Variants in TRAPPC9 observed in about 807,000 individuals in gnomAD.
The protein encoded by TRAPPC9 is IKK2 binding protein.
Under a neutral mutation model 124.0 loss-of-function variants are expected in TRAPPC9, and 83 were observed. The ratio of observed to expected loss-of-function variants is 0.67; its 90% CI spans 0.56 to 0.80. TRAPPC9 has a LOEUF of 0.80. TRAPPC9 is among the 30% of genes least tolerant of loss of function. The probability of loss-of-function intolerance (pLI) is 0.00; values close to 1 mark genes in which losing one functional copy is unlikely to be tolerated. For synonymous variants in TRAPPC9, 638 were observed against 617.5 expected, an observed-to-expected ratio of 1.03 and a Z score of -0.49; for missense variants, 1,302 against 1,508.3, an observed-to-expected ratio of 0.86 and a Z score of 2.27.
At position 140,196,553 on chromosome 8, in the gene TRAPPC9, A is replaced by G. The variant is rs1382274671; in HGVS notation, c.2556+24906T>C. On this transcript the variant is annotated intron_variant, in intron 17 of 22. Coordinates refer to ENST00000438773, the MANE Select transcript of TRAPPC9 (RefSeq NM_001160372.4). ...ACTAAAACACACTCAACGATCCACC[A>G]TACAGATCACACCTGTGACACTAAA... is the stretch of plus-strand genomic sequence containing the variant. 1.0e-4 allele frequency among the ~76,000 whole-genome samples: 11 copies of G among 110,106 alleles called. No homozygotes were observed. In the East Asian group the frequency reaches 2.3e-3, roughly 23 times the overall value. The allele number at this position is 110,106 out of a possible 152,430, so 72.2% of individuals were successfully genotyped here. A position where few individuals can be genotyped will look rare whatever the true frequency, so the allele number is the denominator to read the frequency against.
intron 21 of TRAPPC9, among the ~76,000 whole-genome samples, chr8:139,832,467 G>T (rs1826056822): frequency 6.6e-6 from 1 of 152,210 alleles, no homozygotes; most frequent in Non-Finnish European, 1.5e-5. Flanking sequence ...CCGAAGCAGG[G>T]GAGGCTGGTG....
In TRAPPC9 at chr8:139,763,851, T is replaced by C. The variant is rs1820405741; in HGVS notation, c.3056-31649A>G. 1.3e-5 allele frequency among the ~76,000 whole-genome samples: 2 copies of C among 152,114 alleles called. 1 individual carries two copies. Among genetic ancestry groups the C allele is most frequent in the South Asian group, 4.2e-4 (2 of 4,810 alleles). On this transcript the variant is annotated intron_variant, in intron 21 of 22. Coordinates refer to ENST00000438773, the MANE Select transcript of TRAPPC9 (RefSeq NM_001160372.4). Reference sequence around the variant, plus strand: ...CAGCAGGCCAGTGATGGAGCAGGCATAGTGTGGAAGGGGTCAGGTGTTGGG... The same window carrying C: ...CAGCAGGCCAGTGATGGAGCAGGCACAGTGTGGAAGGGGTCAGGTGTTGGG...
At chr8:140,275,907 C>T (rs1224603933) in intron 14 of TRAPPC9, 86 bp from the exon 15 acceptor site, 117 of 1,102,650 alleles carry the variant, frequency 1.1e-4, no homozygotes, top group Non-Finnish European at 3.2e-5. Flanking sequence ...AGAAGAATCA[C>T]CATACTCATG....
intron 16 of TRAPPC9, among the ~76,000 whole-genome samples, chr8:140,244,800 CTTTTTTTTT>C (rs1162364645): frequency 5.5e-5 from 5 of 90,182 alleles, no homozygotes; most frequent in East Asian, 4.5e-4. Flanking sequence ...TTTCCAATTC[CTTTTTTTTT>C]TTTTTTTTTT....
At chr8:140,016,307 T>C (rs148649945) in intron 18 of TRAPPC9, among the ~76,000 whole-genome samples, 2 of 152,310 alleles carry the variant, frequency 1.3e-5, no homozygotes, top group South Asian at 2.1e-4. Flanking sequence ...GAAAGATATT[T>C]TCTCTTCCCT....
intron 9 of TRAPPC9, among the ~76,000 whole-genome samples, chr8:140,337,614 T>A (rs2067077731): frequency 1.3e-5 from 2 of 152,150 alleles, no homozygotes; most frequent in African/African-American, 4.8e-5. Context: ...TCCCTCCGGC[T>A]CTGCCATGCA....
intron 1 of TRAPPC9, 122 bp downstream of exon 1, chr8:140,457,517 C>A: frequency 1.2e-6 from 1 of 844,356 alleles, no homozygotes; most frequent in Non-Finnish European, 1.4e-6. Flanking sequence ...CGGGCTCCGC[C>A]CGGACAGGTG....
At chr8:139,991,007 C>G (rs1294999597) in intron 18 of TRAPPC9, among the ~76,000 whole-genome samples, 1 of 152,180 alleles carries the variant, frequency 6.6e-6, no homozygotes, top group African/African-American at 2.4e-5. Context: ...AGAGGTTTGG[C>G]GCTTGGAAAA....
intron 21 of TRAPPC9, among the ~76,000 whole-genome samples, chr8:139,862,679 A>C (rs1290049979): frequency 6.6e-6 from 1 of 152,166 alleles, no homozygotes; most frequent in Non-Finnish European, 1.5e-5. Flanking sequence ...AAGTGTCTTA[A>C]TCTCACTCTC....
At position 139,857,072 on chromosome 8, in the gene TRAPPC9, G is replaced by A. The variant is rs1827847903; in HGVS notation, c.3055+28807C>T. On this transcript the variant is annotated intron_variant, in intron 21 of 22. Transcript: ENST00000438773. The stretch of plus-strand genomic sequence containing the variant: ...GCGGGGGGAGCTGGTTCAGACAGAG[G>A]TGAAAGAGCAGAAAGGTGCCCAGGG... 2.6e-5 allele frequency among the ~76,000 whole-genome samples: 4 copies of A among 151,608 alleles called. No individual in the cohort carries two copies. The South Asian group carries it at 8.4e-4, about 32-fold the overall frequency.
intron 18 of TRAPPC9, among the ~76,000 whole-genome samples, chr8:139,995,089 G>A (rs1219930403): frequency 6.6e-6 from 1 of 152,160 alleles, no homozygotes. Context: ...GCACTGAGCT[G>A]AAGATGAAGA....
intron 17 of TRAPPC9, among the ~76,000 whole-genome samples, chr8:140,154,565 C>G (rs1160634162): frequency 1.3e-5 from 2 of 152,174 alleles, no homozygotes; most frequent in Non-Finnish European, 2.9e-5. Context: ...CCTCCTAGCC[C>G]TCTGCCACCT....
intron 20 of TRAPPC9, 103 bp from the exon 21 acceptor site, chr8:139,886,072 C>T: frequency 9.5e-7 from 1 of 1,057,246 alleles, no homozygotes; most frequent in Non-Finnish European, 1.4e-6. Flanking sequence ...CCTCCTACAG[C>T]AGATGTCTCC....
At chr8:139,922,947 T>C (rs2131344887) in intron 19 of TRAPPC9, among the ~76,000 whole-genome samples, 1 of 152,326 alleles carries the variant, frequency 6.6e-6, no homozygotes, top group East Asian at 1.9e-4. Context: ...GGAGTGTTTT[T>C]GGCACCTGGA....
rs71520259 is a variant in TRAPPC9, at chr8:140,179,993, A to ATTTTTTTTTTTTTT, written c.2556+41452_2556+41465dup. Among the ~76,000 whole-genome samples, 87 of 90,032 alleles carry ATTTTTTTTTTTTTT rather than the reference A, an allele frequency of 9.7e-4. 6 individuals are homozygous for ATTTTTTTTTTTTTT. The highest frequency in any genetic ancestry group is 0.01 in the Middle Eastern group (1 of 100). The allele number at this position is 90,032 out of a possible 152,430, so 59.1% of individuals were successfully genotyped here. A position where few individuals can be genotyped will look rare whatever the true frequency, so the allele number is the denominator to read the frequency against. ...ATAAACAATTTATAGTTATATCTTG[A>ATTTTTTTTTTTTTT]TTTTTTTTTTTTTTTTTTTTTGGCC... On this transcript the variant is annotated intron_variant, in intron 17 of 22. Coordinates refer to ENST00000438773, the MANE Select transcript of TRAPPC9 (RefSeq NM_001160372.4).
intron 18 of TRAPPC9, among the ~76,000 whole-genome samples, chr8:140,001,839 T>C (rs1176839019): frequency 1.3e-5 from 2 of 152,204 alleles, no homozygotes; most frequent in Non-Finnish European, 2.9e-5. Context: ...CAAAGTTGAA[T>C]AGTGAAAAAC....
intron 19 of TRAPPC9, among the ~76,000 whole-genome samples, chr8:139,973,411 G>A (rs568932335): frequency 6.6e-6 from 1 of 151,722 alleles, no homozygotes; most frequent in African/African-American, 2.4e-5. Flanking sequence ...GAAAACCACA[G>A]GGCCGTGGCA....
intron 19 of TRAPPC9, among the ~76,000 whole-genome samples, chr8:139,926,771 A>C (rs1277840951): frequency 6.6e-6 from 1 of 152,150 alleles, no homozygotes; most frequent in Non-Finnish European, 1.5e-5. Context: ...AGTAGAATGG[A>C]GGTAACTGGG....
At chr8:140,106,741 A>C (rs1175631587) in intron 17 of TRAPPC9, among the ~76,000 whole-genome samples, 1 of 152,224 alleles carries the variant, frequency 6.6e-6, no homozygotes, top group African/African-American at 2.4e-5. Context: ...AAAGAGGATA[A>C]TGCCGACCTC....
Sources: allele counts gnomAD v4.1 joint callset (sites outside exome capture counted in the v4.1 genomes callset), GRCh38; gene constraint gnomAD v4.1.1; transcripts MANE v1.5; gene names NCBI Gene and HGNC (gene_info 2026-07-23, HGNC 2026-07-21).